Variants in GALNT13 observed in about 807,000 individuals in gnomAD.
The protein encoded by GALNT13 is UDP-GalNAc:polypeptide N-acetylgalactosaminyltransferase 13.
Under a neutral mutation model 64.2 loss-of-function variants are expected in GALNT13, and 28 were observed. That is an observed-to-expected ratio of 0.44 (90% CI 0.32 to 0.60). The LOEUF (loss-of-function observed/expected upper bound fraction) is 0.60, where lower values mean the gene tolerates loss of function less well. Ranked by LOEUF, GALNT13 falls within the 20% of genes least tolerant of loss-of-function variation. The pLI is 0.05. For missense variants in GALNT13, 577 were observed against 669.8 expected (o/e 0.86, Z 1.53); for synonymous variants, 214 against 224.6 (o/e 0.95, Z 0.42).
chr2:153,214,647 A>G, the GALNT13 span, among the ~76,000 whole-genome samples: 228 of 152,288 alleles, frequency 1.5e-3, 3 homozygotes, highest in Admixed American at 0.013. Flanking sequence ...TCATTTTTCA[A>G]GTAACTGGGA....
At chr2:153,242,498 A>G in the GALNT13 span, among the ~76,000 whole-genome samples, 1 of 152,198 alleles carries the variant, frequency 6.6e-6, no homozygotes, top group African/African-American at 2.4e-5. Context: ...TATTAATTTC[A>G]TGTGGGAAGT....
At chr2:153,463,401 G>A in the GALNT13 span, among the ~76,000 whole-genome samples, 20 of 152,066 alleles carry the variant, frequency 1.3e-4, no homozygotes, top group South Asian at 4.2e-4. Context: ...CACTTTGTTC[G>A]TTGCCTAGGA....
the GALNT13 span, among the ~76,000 whole-genome samples, chr2:153,345,703 C>CTTTCTT: frequency 1.7e-4 from 11 of 65,794 alleles, 1 homozygote; most frequent in East Asian, 3.2e-4. Flanking sequence ...TTCTTTCTTT[C>CTTTCTT]TCTTTCTCTC....
At chr2:154,093,622 T>G (rs1472587648) in intron 3 of GALNT13, among the ~76,000 whole-genome samples, 2 of 151,032 alleles carry the variant, frequency 1.3e-5, no homozygotes, top group African/African-American at 4.9e-5. Context: ...GTTAAATGAT[T>G]AATTAAATGA....
chr2:154,236,527 C>T (rs1373102037), intron 4 of GALNT13, among the ~76,000 whole-genome samples: 6 of 152,042 alleles, frequency 3.9e-5, no homozygotes, highest in Non-Finnish European at 7.4e-5. Flanking sequence ...TAAACTTTCA[C>T]TTCCTTGCAA....
chr2:153,520,783 C>T, the GALNT13 span, among the ~76,000 whole-genome samples: 1 of 152,160 alleles, frequency 6.6e-6, no homozygotes, highest in Non-Finnish European at 1.5e-5. Flanking sequence ...ACATTATTAT[C>T]TTCATAAATT....
At chr2:153,755,970 C>T in the GALNT13 span, among the ~76,000 whole-genome samples, 10,379 of 152,096 alleles carry the variant, frequency 0.068, 727 homozygotes, top group African/African-American at 0.17. Context: ...TGTCATTCTC[C>T]GCAACATTTT....
the GALNT13 span, among the ~76,000 whole-genome samples, chr2:153,270,681 T>G: frequency 6.6e-6 from 1 of 152,028 alleles, no homozygotes; most frequent in African/African-American, 2.4e-5. Flanking sequence ...AGAAATCCTG[T>G]CTCTATAAGA....
chr2:154,126,922 ACAATAT>A (rs1272624947), intron 3 of GALNT13, among the ~76,000 whole-genome samples: 3 of 152,194 alleles, frequency 2.0e-5, no homozygotes, highest in African/African-American at 4.8e-5. Flanking sequence ...AGGCAAAAAA[ACAATAT>A]CTGAGGGACA....
the GALNT13 span, among the ~76,000 whole-genome samples, chr2:153,304,901 T>C: frequency 1.3e-5 from 2 of 152,134 alleles, no homozygotes; most frequent in African/African-American, 4.8e-5. Flanking sequence ...AGAAGGCACA[T>C]TAGAGGGATT....
At chr2:154,077,609 T>C (rs1300883860) in intron 3 of GALNT13, among the ~76,000 whole-genome samples, 1 of 151,552 alleles carries the variant, frequency 6.6e-6, no homozygotes, top group African/African-American at 2.4e-5. Flanking sequence ...CATTCTCTTA[T>C]ATGGCTGGTG....
chr2:153,781,074 T>C, the GALNT13 span, among the ~76,000 whole-genome samples: 75 of 152,312 alleles, frequency 4.9e-4, 1 homozygote, highest in Admixed American at 1.8e-3. Flanking sequence ...GTGGTGGGCT[T>C]GCAGTAGAGG....
chr2:153,307,804 A>G, the GALNT13 span, among the ~76,000 whole-genome samples: 1 of 152,274 alleles, frequency 6.6e-6, no homozygotes, highest in East Asian at 1.9e-4. Context: ...TGAAAATGTA[A>G]TTAAAGATAC....
chr2:154,045,981 C>T (rs780417367), intron 3 of GALNT13, among the ~76,000 whole-genome samples: 2 of 148,060 alleles, frequency 1.4e-5, no homozygotes, highest in African/African-American at 2.5e-5. Context: ...CATTTTTTTT[C>T]CGATCTAGTG....
chr2:153,854,319 C>T, the GALNT13 span, among the ~76,000 whole-genome samples: 1 of 151,792 alleles, frequency 6.6e-6, no homozygotes. Context: ...GTGGCTCATG[C>T]CTGTAATCCC....
At chr2:154,140,750 T>A (rs1683215491) in intron 4 of GALNT13, among the ~76,000 whole-genome samples, 1 of 151,698 alleles carries the variant, frequency 6.6e-6, no homozygotes, top group African/African-American at 2.4e-5. Context: ...TTTTTCTATG[T>A]GAGATGTTTT....
At chr2:153,803,104 TA>T in the GALNT13 span, among the ~76,000 whole-genome samples, 1 of 152,196 alleles carries the variant, frequency 6.6e-6, no homozygotes, top group Non-Finnish European at 1.5e-5. Flanking sequence ...TTAATGCCTG[TA>T]ATTTCAGGGT....
In GALNT13 at chr2:154,063,188, C is replaced by G. The variant is rs537721849; in HGVS notation, c.143-77149C>G. On this transcript the variant is annotated intron_variant, in intron 3 of 12. Coordinates refer to ENST00000392825, the MANE Select transcript of GALNT13 (RefSeq NM_052917.4). ...TTCAATCCCTTATATATATCACATT[C>G]TCTTAAGGAAGCAGTGGTCTTAGAA... is the stretch of plus-strand genomic sequence containing the variant. 1.8e-4 allele frequency among the ~76,000 whole-genome samples: 27 copies of G among 152,210 alleles called. No individual in the cohort carries two copies. In the South Asian group the frequency reaches 5.4e-3, roughly 30 times the overall value.
chr2:154,019,338 GA>G, intron 3 of GALNT13, among the ~76,000 whole-genome samples: 1 of 152,070 alleles, frequency 6.6e-6, no homozygotes, highest in Middle Eastern at 3.4e-3. Context: ...TAGCATATTT[GA>G]AAAATACATA....
Sources: allele counts gnomAD v4.1 joint callset (sites outside exome capture counted in the v4.1 genomes callset), GRCh38; gene constraint gnomAD v4.1.1; transcripts MANE v1.5; gene names NCBI Gene and HGNC (gene_info 2026-07-23, HGNC 2026-07-21).